GPHN: variants seen among roughly 807,000 people sequenced by gnomAD.
GPHN encodes gephyrin.
In GPHN, 17 loss-of-function variants were observed where a neutral mutation model predicts 95.5. That is an observed-to-expected ratio of 0.18 (90% CI 0.12 to 0.27). The LOEUF is 0.27. Ranked by LOEUF, GPHN falls within the 10% of genes least tolerant of loss-of-function variation. The probability of loss-of-function intolerance (pLI) is 1.00; values close to 1 mark genes in which losing one functional copy is unlikely to be tolerated. For synonymous variants in GPHN, 320 were observed against 322.5 expected (o/e 0.99, Z 0.08); for missense variants, 660 against 978.1 (o/e 0.67, Z 4.34).
At chr14:67,390,654 C>T in the GPHN span, 13 of 1,588,048 alleles carry the variant, frequency 8.2e-6, no homozygotes, top group African/African-American at 8.1e-5. Flanking sequence ...AGCCAGCATG[C>T]GCACTCACTT....
At chr14:66,663,886 G>A (rs1032737173) in intron 1 of GPHN, among the ~76,000 whole-genome samples, 3 of 152,106 alleles carry the variant, frequency 2.0e-5, no homozygotes, top group African/African-American at 7.2e-5. Flanking sequence ...CAAAGAAGAA[G>A]GGCATTACAT....
the GPHN span, among the ~76,000 whole-genome samples, chr14:67,294,174 A>G: frequency 4.6e-5 from 7 of 152,216 alleles, no homozygotes; most frequent in Non-Finnish European, 1.5e-5. Flanking sequence ...AGTACTGTAT[A>G]AAGGAGATTT....
At chr14:66,624,328 C>T (rs1415740170) in intron 1 of GPHN, among the ~76,000 whole-genome samples, 1 of 152,126 alleles carries the variant, frequency 6.6e-6, no homozygotes, top group East Asian at 1.9e-4. Context: ...ACACCTTGGT[C>T]CGTGTTTTAG....
chr14:67,051,385 A>G (rs1341575389), intron 10 of GPHN, among the ~76,000 whole-genome samples: 1 of 152,364 alleles, frequency 6.6e-6, no homozygotes, highest in Middle Eastern at 3.4e-3. Context: ...TCTTGCTGAA[A>G]TAAGACAGGC....
At chr14:67,234,201 A>G in the GPHN span, among the ~76,000 whole-genome samples, 1 of 152,238 alleles carries the variant, frequency 6.6e-6, no homozygotes, top group Non-Finnish European at 1.5e-5. Context: ...TCAGACAGCT[A>G]GCAATTGACA....
the GPHN span, among the ~76,000 whole-genome samples, chr14:67,673,025 T>C: frequency 6.6e-6 from 1 of 152,334 alleles, no homozygotes; most frequent in South Asian, 2.1e-4. Context: ...TCTGGTTTAC[T>C]CCCTCACTTC....
At chr14:66,548,911 A>G (rs1296210885) in intron 1 of GPHN, among the ~76,000 whole-genome samples, 1 of 152,226 alleles carries the variant, frequency 6.6e-6, no homozygotes, top group Non-Finnish European at 1.5e-5. Context: ...CTGAGGATCT[A>G]AGAGAAAATA....
At chr14:67,713,699 C>T in the GPHN span, among the ~76,000 whole-genome samples, 19,234 of 152,170 alleles carry the variant, frequency 0.13, 1,485 homozygotes, top group South Asian at 0.33. Flanking sequence ...GTTGAGGGCG[C>T]GTACCCAAGA....
At chr14:66,840,027 C>T (rs2062011183) in intron 4 of GPHN, among the ~76,000 whole-genome samples, 1 of 151,936 alleles carries the variant, frequency 6.6e-6, no homozygotes, top group Admixed American at 6.6e-5. Context: ...GCCTGTAATC[C>T]CAGCACTTTG....
At chr14:66,913,081 G>C (rs755504121) in intron 5 of GPHN, among the ~76,000 whole-genome samples, 1 of 152,116 alleles carries the variant, frequency 6.6e-6, no homozygotes, top group African/African-American at 2.4e-5. Flanking sequence ...GGTGGTATGG[G>C]ACATTTTGCC....
chr14:67,558,903 G>T, the GPHN span, among the ~76,000 whole-genome samples: 3 of 152,238 alleles, frequency 2.0e-5, no homozygotes, highest in African/African-American at 7.2e-5. Flanking sequence ...AAATGAATGA[G>T]CATGGCTGTA....
intron 1 of GPHN, among the ~76,000 whole-genome samples, chr14:66,529,742 C>G (rs911986445): frequency 6.6e-6 from 1 of 152,160 alleles, no homozygotes; most frequent in African/African-American, 2.4e-5. Flanking sequence ...AAGGTCTGCT[C>G]TAGTTTGCTG....
chr14:67,052,599 G>GA (rs1364161771), intron 10 of GPHN, among the ~76,000 whole-genome samples: 1 of 152,038 alleles, frequency 6.6e-6, no homozygotes, highest in Non-Finnish European at 1.5e-5. Context: ...AAGTGGACCT[G>GA]ACAGATATCT....
chr14:67,127,620 G>T (rs900741849), intron 17 of GPHN, among the ~76,000 whole-genome samples: 1 of 152,160 alleles, frequency 6.6e-6, no homozygotes, highest in African/African-American at 2.4e-5. Context: ...ATACCAAACT[G>T]CAGGTCTGTG....
At chr14:66,849,561 T>C (rs1035001821) in intron 4 of GPHN, among the ~76,000 whole-genome samples, 4 of 152,042 alleles carry the variant, frequency 2.6e-5, no homozygotes, top group Non-Finnish European at 5.9e-5. Context: ...AGGTGAAAAA[T>C]TGTATTTTTA....
At chr14:66,901,518 G>C (rs2065130900) in intron 5 of GPHN, among the ~76,000 whole-genome samples, 1 of 151,912 alleles carries the variant, frequency 6.6e-6, no homozygotes, top group Non-Finnish European at 1.5e-5. Flanking sequence ...TCAGGTCTTA[G>C]ATTTAAGTCT....
the GPHN span, among the ~76,000 whole-genome samples, chr14:67,482,484 G>A: frequency 2.0e-5 from 3 of 152,070 alleles, no homozygotes; most frequent in Non-Finnish European, 4.4e-5. Context: ...AAGGCCTTCC[G>A]CTTTCACTCC....
the GPHN span, chr14:67,204,979 G>A: frequency 1.3e-6 from 2 of 1,579,168 alleles, no homozygotes; most frequent in African/African-American, 2.7e-5. Flanking sequence ...AGAAGTCATA[G>A]AAGTCAGAGA....
chr14:66,571,884 T>C lies in GPHN; in HGVS notation c.64+63293T>C, dbSNP rs559600825. On this transcript the variant is annotated intron_variant, in intron 1 of 22. Transcript: ENST00000478722. ...CAGGAAGCTTTTCCCCTAGGATTTC[T>C]GCCAGTGGTTTCACAGTTTCAGGTT... is the stretch of plus-strand genomic sequence containing the variant. Among the ~76,000 whole-genome samples the C allele has an allele frequency of 2.0e-5, 3 of 152,356 alleles. No homozygotes were observed. The East Asian group carries it at 5.8e-4, about 29-fold the overall frequency.
Sources: allele counts gnomAD v4.1 joint callset (sites outside exome capture counted in the v4.1 genomes callset), GRCh38; gene constraint gnomAD v4.1.1; transcripts MANE v1.5; gene names NCBI Gene and HGNC (gene_info 2026-07-23, HGNC 2026-07-21).